ANKS6: variants seen among roughly 807,000 people sequenced by gnomAD.
ANKS6 encodes ankyrin repeat and SAM domain-containing protein 6.
Under a neutral mutation model 77.9 loss-of-function variants are expected in ANKS6, and 47 were observed. The ratio of observed to expected loss-of-function variants is 0.60; its 90% CI spans 0.48 to 0.77. The LOEUF is 0.77. Ranked by LOEUF, ANKS6 falls within the 30% of genes least tolerant of loss-of-function variation. ANKS6 has a pLI of 0.00. For missense variants in ANKS6, 1,150 were observed against 1,159.1 expected (o/e 0.99, Z 0.11); for synonymous variants, 488 against 501.7 (o/e 0.97, Z 0.37).
In ANKS6 at chr9:98,736,223, G is replaced by C. The variant is rs549116363; in HGVS notation, c.*296C>G. The C allele has an allele frequency of 2.5e-6, 3 of 1,205,482 alleles. No homozygotes were observed. The highest frequency in any genetic ancestry group is 3.1e-5 in the African/African-American group (2 of 63,888). 74.7% of individuals were successfully genotyped at this position (1,205,482 alleles called of 1,614,324 possible). On this transcript the variant is annotated 3_prime_UTR_variant, in exon 15 of 15. Coordinates refer to ENST00000353234, the MANE Select transcript of ANKS6 (RefSeq NM_173551.5). ...GCCAGAAGCAAACTCTGAGGCTCCC[G>C]GGGAGGGCAGAGCACAGGATGAAAG...
rs139555171 is a variant in ANKS6 at position 98,779,477 on chromosome 9, C to T, written c.1368+712G>A. ...ATCATGCAGAATTTTCTAAAATTCCCTGTACTTATAAATTAAGATTCCATA... is the reference window on the plus strand; with the variant it reads ...ATCATGCAGAATTTTCTAAAATTCCTTGTACTTATAAATTAAGATTCCATA... On this transcript the variant is annotated intron_variant, in intron 6 of 14. Transcript: ENST00000353234. Among the ~76,000 whole-genome samples, 479 of 152,156 alleles carry T rather than the reference C, an allele frequency of 3.1e-3. 3 individuals carry two copies. Among genetic ancestry groups the T allele is most frequent in the African/African-American group, 0.011 (464 of 41,498 alleles).
At chr9:98,761,499 C>G (rs1316673173) in intron 11 of ANKS6, among the ~76,000 whole-genome samples, 1 of 152,164 alleles carries the variant, frequency 6.6e-6, no homozygotes, top group Non-Finnish European at 1.5e-5. Flanking sequence ...TGTGGCATGA[C>G]TTTTCATTTT....
intron 11 of ANKS6, among the ~76,000 whole-genome samples, chr9:98,763,149 T>C (rs1226331100): frequency 6.6e-6 from 1 of 152,084 alleles, no homozygotes. Context: ...TATACATTTA[T>C]GGACATTTAT....
chr9:98,787,935 A>C (rs984421985), intron 2 of ANKS6, among the ~76,000 whole-genome samples: 4 of 152,246 alleles, frequency 2.6e-5, no homozygotes, highest in Non-Finnish European at 4.4e-5. Flanking sequence ...CCTCTGGGCC[A>C]GGCAGGATCT....
Position 98,735,772 on chromosome 9 carries a change from C to T in ANKS6, c.*747G>A. ...CACTTCTTTCCTTCTATAATAGACTCTCTTTGCAATAAAGAAAAATGCGTT... is the reference window on the plus strand; with the variant it reads ...CACTTCTTTCCTTCTATAATAGACTTTCTTTGCAATAAAGAAAAATGCGTT... On this transcript the variant is annotated 3_prime_UTR_variant, in exon 15 of 15. Transcript: ENST00000353234. 2.4e-6 allele frequency: 3 copies of T among 1,231,758 alleles called. No individual in the cohort carries two copies. Among genetic ancestry groups the T allele is most frequent in the Non-Finnish European group, 1.0e-6 (1 of 987,986 alleles). The allele number at this position is 1,231,758 out of a possible 1,614,324, so 76.3% of individuals were successfully genotyped here.
intron 9 of ANKS6, among the ~76,000 whole-genome samples, chr9:98,772,897 T>C (rs974863709): frequency 3.9e-5 from 6 of 152,192 alleles, no homozygotes; most frequent in Non-Finnish European, 8.8e-5. Flanking sequence ...GTTCTGTGCC[T>C]GTGTCTTTGC....
In ANKS6 at chr9:98,790,160, T is replaced by C. The variant is rs200902480; in HGVS notation, c.806A>G (p.Lys269Arg). The change falls in exon 2 of 15, where the codon AAG becomes AGG. Residue 269 changes from lysine to arginine, a missense_variant. Coordinates refer to ENST00000353234, the MANE Select transcript of ANKS6 (RefSeq NM_173551.5). ...KTAFEVALDC[K>R]HRDLVDYLDP... ...CAGGTAGTCTACAAGGTCCCTGTGC[T>C]TGCAGTCCAGTGCAACCTCGAAGGC... 545 of 1,593,788 alleles carry C rather than the reference T, an allele frequency of 3.4e-4. 3 individuals are homozygous for C. The highest frequency in any genetic ancestry group is 1.8e-3 in the Middle Eastern group (11 of 5,988).
At chr9:98,774,614 A>T (rs1247639917) in intron 8 of ANKS6, among the ~76,000 whole-genome samples, 1 of 152,188 alleles carries the variant, frequency 6.6e-6, no homozygotes, top group Non-Finnish European at 1.5e-5. Context: ...AGGAAGCAGG[A>T]GGTGATAAGG....
chr9:98,776,268 C>T (rs1833914343), intron 8 of ANKS6, among the ~76,000 whole-genome samples: 1 of 152,128 alleles, frequency 6.6e-6, no homozygotes, highest in African/African-American at 2.4e-5. Flanking sequence ...AAACTGTCCC[C>T]CAGTATCTAC....
chr9:98,760,949 T>G (rs922142126), intron 11 of ANKS6, among the ~76,000 whole-genome samples: 1 of 152,216 alleles, frequency 6.6e-6, no homozygotes, highest in African/African-American at 2.4e-5. Context: ...ATGTTTAGTT[T>G]TATAAGAAAC....
At chr9:98,759,303 C>G (rs928952558) in intron 11 of ANKS6, among the ~76,000 whole-genome samples, 22 of 152,202 alleles carry the variant, frequency 1.4e-4, no homozygotes, top group African/African-American at 5.3e-4. Flanking sequence ...TATTCTTACC[C>G]CACAACAATC....
chr9:98,792,818 TCCAGTATAA>T lies in ANKS6; in HGVS notation c.360-2221_360-2213del, dbSNP rs1172668732. Among the ~76,000 whole-genome samples, 3 of 152,114 alleles carry T rather than the reference TCCAGTATAA, an allele frequency of 2.0e-5. No homozygotes were observed. In the East Asian group the frequency reaches 5.8e-4, roughly 29 times the overall value. On this transcript the variant is annotated intron_variant, in intron 1 of 14. Transcript: ENST00000353234. The stretch of plus-strand genomic sequence containing the variant: ...TTGCACCTGGACTCAAAATCGAAGC[TCCAGTATAA>T]CCAATTTTTAAGGAGGAAGAAAAGG...
Position 98,733,268 on chromosome 9 carries a change from G to T in ANKS6, c.*3251C>A. ...GGCCTCCATGTAATTTTGTGGCGCT[G>T]AAGAAGAGAGGCAGGAGCCCTCCGT... On this transcript the variant is annotated 3_prime_UTR_variant, in exon 15 of 15. Coordinates refer to ENST00000353234, the MANE Select transcript of ANKS6 (RefSeq NM_173551.5). 1.0e-6 allele frequency: 1 copy of T among 985,536 alleles called. No individual in the cohort carries two copies. Among genetic ancestry groups the T allele is most frequent in the Non-Finnish European group, 1.2e-6 (1 of 830,008 alleles). 61.0% of individuals were successfully genotyped at this position (985,536 alleles called of 1,614,324 possible). A position where few individuals can be genotyped will look rare whatever the true frequency, so the allele number is the denominator to read the frequency against.
In ANKS6 at chr9:98,732,216, G is replaced by A. The variant is rs1831240030; in HGVS notation, c.*4303C>T. The A allele has an allele frequency of 6.4e-6, 3 of 470,580 alleles. No individual in the cohort carries two copies. Among genetic ancestry groups the A allele is most frequent in the Non-Finnish European group, 1.1e-5 (3 of 262,428 alleles). The allele number at this position is 470,580 out of a possible 1,614,324, so 29.2% of individuals were successfully genotyped here. ...GGAAGGGTCCCGGGCTCTTCAGGAGGCATTTACTTGGAAGTACAGGTCAGC... is the reference window on the plus strand; with the variant it reads ...GGAAGGGTCCCGGGCTCTTCAGGAGACATTTACTTGGAAGTACAGGTCAGC... On this transcript the variant is annotated 3_prime_UTR_variant, in exon 15 of 15. Transcript: ENST00000353234.
intron 14 of ANKS6, among the ~76,000 whole-genome samples, chr9:98,743,215 G>A (rs552009006): frequency 6.6e-6 from 1 of 152,254 alleles, no homozygotes; most frequent in Admixed American, 6.5e-5. Flanking sequence ...TCACACATCT[G>A]GCCTCTGGAG....
At chr9:98,792,557 T>C (rs1463380451) in intron 1 of ANKS6, among the ~76,000 whole-genome samples, 1 of 152,234 alleles carries the variant, frequency 6.6e-6, no homozygotes, top group Non-Finnish European at 1.5e-5. Flanking sequence ...TGGAAATCCC[T>C]GAAGAACTGG....
Position 98,780,311 on chromosome 9 carries a change from A to G in ANKS6, c.1246T>C (p.Ser416Pro), listed in dbSNP as rs1431918093. Residue 416 changes from serine to proline, a missense_variant, in exon 6 of 15, where the codon TCT becomes CCT. Ser to Pro is a moderately conservative substitution (Grantham distance 74). Coordinates refer to ENST00000353234, the MANE Select transcript of ANKS6 (RefSeq NM_173551.5). Reference protein sequence around the residue: ...PDTELVRLLASVCMQVNKDKG... With the variant: ...PDTELVRLLAPVCMQVNKDKG... ...TCTTTATTCACCTGCATGCAGACAG[A>G]TGCCAGCAGTCGAACAAGTTCCGTG... 1.9e-6 allele frequency: 3 copies of G among 1,605,452 alleles called. No individual in the cohort carries two copies. Among genetic ancestry groups the G allele is most frequent in the Non-Finnish European group, 1.7e-6 (2 of 1,175,660 alleles).
Position 98,745,583 on chromosome 9 carries a change from C to G in ANKS6, c.2487G>C (p.Ala829=). 6.2e-7 allele frequency: 1 copy of G among 1,614,060 alleles called. No homozygotes were observed. The highest frequency in any genetic ancestry group is 8.5e-7 in the Non-Finnish European group (1 of 1,179,910). The change falls in exon 14 of 15, where the codon GCG becomes GCC. Residue 829 remains alanine (A), a synonymous_variant. Coordinates refer to ENST00000353234, the MANE Select transcript of ANKS6 (RefSeq NM_173551.5). Reference sequence around the variant, plus strand: ...CCTTGCCTGCGTTCAGTTCAGAAATCGCTGCCAGAATCTGCTGCCTGGACC... The same window carrying G: ...CCTTGCCTGCGTTCAGTTCAGAAATGGCTGCCAGAATCTGCTGCCTGGACC... ...TDGSRQQILA[A]ISELNAGKGR...
intron 12 of ANKS6, among the ~76,000 whole-genome samples, chr9:98,752,556 G>C (rs898805427): frequency 1.2e-4 from 19 of 152,202 alleles, no homozygotes; most frequent in Admixed American, 1.3e-4. Flanking sequence ...ATAGGATGAG[G>C]AGGATGAAAG....
Sources: allele counts gnomAD v4.1 joint callset (sites outside exome capture counted in the v4.1 genomes callset), GRCh38; gene constraint gnomAD v4.1.1; transcripts MANE v1.5; gene names NCBI Gene and HGNC (gene_info 2026-07-23, HGNC 2026-07-21).